The following SMYD3 variants were observed in gnomAD, a reference collection of about 807,000 sequenced individuals.
SMYD3 encodes histone-lysine N-methyltransferase SMYD3.
In SMYD3, 36 loss-of-function variants were observed where a neutral mutation model predicts 57.7. The ratio of observed to expected loss-of-function variants is 0.62; its 90% CI spans 0.48 to 0.82. SMYD3 has a LOEUF of 0.82. Among genes scored for constraint, SMYD3 ranks in the 40% least tolerant of loss-of-function variants. SMYD3 has a pLI of 0.00. For missense variants in SMYD3, 515 were observed against 538.8 expected (o/e 0.96, Z 0.44); for synonymous variants, 211 against 195.0 (o/e 1.08, Z -0.68).
At chr1:246,286,166 A>T (rs1270607531) in intron 5 of SMYD3, among the ~76,000 whole-genome samples, 2 of 152,222 alleles carry the variant, frequency 1.3e-5, no homozygotes, top group Non-Finnish European at 2.9e-5. Flanking sequence ...TCATTATATG[A>T]GAAAGACACT....
At chr1:245,818,354 T>G (rs2048970833) in intron 10 of SMYD3, among the ~76,000 whole-genome samples, 1 of 152,016 alleles carries the variant, frequency 6.6e-6, no homozygotes, top group Admixed American at 6.5e-5. Flanking sequence ...TGAGAGATTT[T>G]GTCACCACCA....
At chr1:246,395,644 A>G (rs61839773) in intron 1 of SMYD3, among the ~76,000 whole-genome samples, 6 of 79,042 alleles carry the variant, frequency 7.6e-5, no homozygotes, top group Admixed American at 2.6e-4. Context: ...AACACACCAC[A>G]GTCAGACAGG....
At chr1:245,838,930 T>C (rs916493885) in intron 10 of SMYD3, among the ~76,000 whole-genome samples, 3 of 152,214 alleles carry the variant, frequency 2.0e-5, no homozygotes, top group Non-Finnish European at 4.4e-5. Context: ...GGAGGACATC[T>C]ATTCAGAATG....
intron 2 of SMYD3, among the ~76,000 whole-genome samples, chr1:246,354,717 CAT>C (rs2065884271): frequency 6.6e-6 from 1 of 151,192 alleles, no homozygotes; most frequent in African/African-American, 2.4e-5. Flanking sequence ...TGCAAAGACA[CAT>C]GAGAAACTTA....
chr1:245,763,538 C>T (rs2045946047), intron 11 of SMYD3, among the ~76,000 whole-genome samples: 2 of 151,992 alleles, frequency 1.3e-5, no homozygotes, highest in Non-Finnish European at 2.9e-5. Flanking sequence ...AGTTCAGGGT[C>T]ACAGTGGGTC....
At chr1:246,014,820 C>T (rs565734246) in intron 5 of SMYD3, among the ~76,000 whole-genome samples, 1 of 152,176 alleles carries the variant, frequency 6.6e-6, no homozygotes, top group African/African-American at 2.4e-5. Flanking sequence ...ACTTTACCCA[C>T]TGTCTCTCAA....
chr1:245,898,683 A>T (rs922864750), intron 8 of SMYD3, among the ~76,000 whole-genome samples: 2 of 152,254 alleles, frequency 1.3e-5, no homozygotes, highest in Non-Finnish European at 2.9e-5. Context: ...GAGCTTTGAT[A>T]GACTGATAGA....
At chr1:246,241,204 T>C (rs1459507502) in intron 5 of SMYD3, among the ~76,000 whole-genome samples, 1 of 152,206 alleles carries the variant, frequency 6.6e-6, no homozygotes, top group Non-Finnish European at 1.5e-5. Flanking sequence ...TTTTTGCCCA[T>C]TCAGTATGAT....
At chr1:246,443,342 A>G (rs916929134) in intron 1 of SMYD3, among the ~76,000 whole-genome samples, 4 of 152,248 alleles carry the variant, frequency 2.6e-5, no homozygotes, top group Non-Finnish European at 5.9e-5. Flanking sequence ...GGACATTACT[A>G]TAAATTAGCT....
intron 1 of SMYD3, among the ~76,000 whole-genome samples, chr1:246,431,629 G>A (rs1329489596): frequency 6.6e-6 from 1 of 152,216 alleles, no homozygotes; most frequent in Non-Finnish European, 1.5e-5. Flanking sequence ...ACTCGGGGGA[G>A]GCTGAGGCAG....
At chr1:246,506,987 A>ACCCCCCCCCCCC in intron 1 of SMYD3, 67 bp downstream of exon 1, 14 of 634,628 alleles carry the variant, frequency 2.2e-5, no homozygotes, top group East Asian at 7.1e-5. Context: ...CGGCCGCCCG[A>ACCCCCCCCCCCC]CGCCCCCCCC....
chr1:245,758,066 T>C (rs1175262607), intron 11 of SMYD3, among the ~76,000 whole-genome samples: 1 of 152,196 alleles, frequency 6.6e-6, no homozygotes, highest in East Asian at 1.9e-4. Flanking sequence ...GAACATGAGA[T>C]GTCATTCTCC....
chr1:245,968,752 A>G (rs1211810438), intron 5 of SMYD3, among the ~76,000 whole-genome samples: 1 of 152,132 alleles, frequency 6.6e-6, no homozygotes, highest in East Asian at 1.9e-4. Flanking sequence ...TGTAGACACA[A>G]ACCACGCGTT....
intron 1 of SMYD3, among the ~76,000 whole-genome samples, chr1:246,386,442 T>C (rs1381120074): frequency 2.6e-5 from 4 of 152,112 alleles, no homozygotes; most frequent in African/African-American, 9.7e-5. Flanking sequence ...ACTAAACATT[T>C]TAATAATTTT....
chr1:246,456,128 T>C (rs2067696472), intron 1 of SMYD3, among the ~76,000 whole-genome samples: 1 of 152,150 alleles, frequency 6.6e-6, no homozygotes, highest in African/African-American at 2.4e-5. Flanking sequence ...CCAAAGGAAT[T>C]TGTCTCTGGC....
At chr1:246,212,112 T>A (rs963010873) in intron 5 of SMYD3, among the ~76,000 whole-genome samples, 1 of 152,104 alleles carries the variant, frequency 6.6e-6, no homozygotes, top group Non-Finnish European at 1.5e-5. Flanking sequence ...TAAAAATGCA[T>A]CATGTGCCAG....
chr1:246,005,521 A>G (rs2059153343), intron 5 of SMYD3, among the ~76,000 whole-genome samples: 1 of 152,240 alleles, frequency 6.6e-6, no homozygotes, highest in Non-Finnish European at 1.5e-5. Context: ...CCATTAAATT[A>G]GAGGATGTGA....
chr1:246,036,539 C>CTTTTTTTTTTTTTTT (rs59062672), intron 5 of SMYD3, among the ~76,000 whole-genome samples: 16 of 144,956 alleles, frequency 1.1e-4, no homozygotes, highest in African/African-American at 2.8e-4. Flanking sequence ...TTCTTTCTCT[C>CTTTTTTTTTTTTTTT]TTTTTTTTTT....
intron 5 of SMYD3, among the ~76,000 whole-genome samples, chr1:246,026,217 G>A (rs1221311955): frequency 6.6e-6 from 1 of 152,136 alleles, no homozygotes; most frequent in African/African-American, 2.4e-5. Context: ...TTCAAAAACA[G>A]TCCTTCTTTT....
Sources: gnomAD v4.1 joint callset for allele counts (sites outside exome capture counted in the v4.1 genomes callset) on GRCh38, gnomAD v4.1.1 for gene constraint, MANE v1.5 for transcripts, NCBI Gene and HGNC (gene_info 2026-07-23, HGNC 2026-07-21) for gene names.